GRIK2: variants seen among roughly 807,000 people sequenced by gnomAD.
GRIK2 encodes the protein glutamate ionotropic receptor kainate type subunit 2, also known as glutamate receptor ionotropic, kainate 2.
Under a neutral mutation model 100.3 loss-of-function variants are expected in GRIK2, and 32 were observed. That is an observed-to-expected ratio of 0.32 (90% CI 0.24 to 0.43). The LOEUF (loss-of-function observed/expected upper bound fraction) is 0.43. Ranked by LOEUF, GRIK2 falls within the 20% of genes least tolerant of loss-of-function variation. The pLI is 1.00. For synonymous variants in GRIK2, 417 were observed against 389.4 expected (o/e 1.07, Z -0.83); for missense variants, 843 against 1,114.9 (o/e 0.76, Z 3.47).
chr6:102,030,018 T>G (rs1404316377), intron 14 of GRIK2, among the ~76,000 whole-genome samples: 2 of 151,268 alleles, frequency 1.3e-5, no homozygotes, highest in East Asian at 3.9e-4. Flanking sequence ...TAAGATCTAT[T>G]CTCTTAGCAA....
intron 7 of GRIK2, among the ~76,000 whole-genome samples, chr6:101,779,857 G>A (rs1216482225): frequency 1.3e-5 from 2 of 151,418 alleles, no homozygotes; most frequent in Admixed American, 6.6e-5. Flanking sequence ...AATTATGCTT[G>A]GAGAGATAAA....
chr6:101,777,084 A>G (rs545301533), intron 7 of GRIK2, among the ~76,000 whole-genome samples: 1 of 152,330 alleles, frequency 6.6e-6, no homozygotes, highest in South Asian at 2.1e-4. Context: ...TGTGTAGTCC[A>G]CGCAGCTGCT....
chr6:101,437,104 G>A (rs1211428790), intron 2 of GRIK2, among the ~76,000 whole-genome samples: 3 of 151,710 alleles, frequency 2.0e-5, no homozygotes, highest in African/African-American at 7.3e-5. Flanking sequence ...ACAGCCAATG[G>A]TTGGCAAAGA....
chr6:101,824,922 A>G lies in GRIK2; in HGVS notation c.1317+6439A>G, dbSNP rs1217365063. Among the ~76,000 whole-genome samples the G allele has an allele frequency of 3.9e-5, 6 of 152,222 alleles. No homozygotes were observed. The East Asian group carries it at 9.7e-4, about 25-fold the overall frequency. ...ACAGTACAAAAGAGAGAAGTGACCG[A>G]ATTATCCCCTAAGTGGTTCTGTAGC... is the stretch of plus-strand genomic sequence containing the variant. On this transcript the variant is annotated intron_variant, in intron 10 of 16. Coordinates refer to ENST00000369134, the MANE Select transcript of GRIK2 (RefSeq NM_021956.5).
chr6:101,765,875 A>G (rs1325906311), intron 7 of GRIK2, among the ~76,000 whole-genome samples: 13 of 152,172 alleles, frequency 8.5e-5, no homozygotes, highest in Non-Finnish European at 4.4e-5. Context: ...ATTTTCTTAT[A>G]CATCTACTTA....
intron 2 of GRIK2, among the ~76,000 whole-genome samples, chr6:101,601,310 T>C (rs941661376): frequency 6.6e-6 from 1 of 151,878 alleles, no homozygotes. Context: ...AATTAACTTT[T>C]TGATGTACTA....
At chr6:101,423,228 G>T (rs192507663) in intron 2 of GRIK2, among the ~76,000 whole-genome samples, 3 of 152,280 alleles carry the variant, frequency 2.0e-5, no homozygotes, top group African/African-American at 7.2e-5. Flanking sequence ...ACTCTAATGA[G>T]CTCACAGCTG....
In GRIK2 at chr6:101,513,208, G is replaced by A. The variant is rs552835498; in HGVS notation, c.116-108741G>A. The stretch of plus-strand genomic sequence containing the variant: ...ATACATTGGTTTGGTCCAGAAAGGC[G>A]GAACAACTCAAAGGGGTGTGAGAGG... On this transcript the variant is annotated intron_variant, in intron 2 of 16. Transcript: ENST00000369134. 7.2e-5 allele frequency among the ~76,000 whole-genome samples: 11 copies of A among 152,032 alleles called. No individual in the cohort carries two copies. In the South Asian group the frequency reaches 1.9e-3, roughly 26 times the overall value.
chr6:101,931,758 G>C lies in GRIK2; in HGVS notation c.2085+3126G>C, dbSNP rs1362726188. Among the ~76,000 whole-genome samples the C allele has an allele frequency of 3.9e-5, 6 of 152,022 alleles. No individual in the cohort carries two copies. The East Asian group carries it at 1.2e-3, about 29-fold the overall frequency. Reference sequence around the variant, plus strand: ...AAATAATTCAAAATAGGAGATAGTGGTTCTCACATTATTTTCATGTAAGCA... The same window carrying C: ...AAATAATTCAAAATAGGAGATAGTGCTTCTCACATTATTTTCATGTAAGCA... On this transcript the variant is annotated intron_variant, in intron 14 of 16. Transcript: ENST00000369134.
chr6:101,827,781 A>T (rs1162287429), intron 10 of GRIK2, among the ~76,000 whole-genome samples: 2 of 152,002 alleles, frequency 1.3e-5, no homozygotes, highest in East Asian at 3.9e-4. Context: ...CCACGTTCAT[A>T]AAACCTTACT....
chr6:101,443,089 A>G (rs946889678), intron 2 of GRIK2, among the ~76,000 whole-genome samples: 1 of 152,150 alleles, frequency 6.6e-6, no homozygotes, highest in East Asian at 1.9e-4. Flanking sequence ...TCACAGAATG[A>G]TCACCTTGAG....
At chr6:101,956,528 C>T (rs545767616) in intron 14 of GRIK2, among the ~76,000 whole-genome samples, 2 of 151,990 alleles carry the variant, frequency 1.3e-5, no homozygotes, top group Non-Finnish European at 2.9e-5. Context: ...ATCCTCACTC[C>T]CTTCCCAACC....
Position 102,034,447 on chromosome 6 carries a change from GT to G in GRIK2, c.2086-891del, listed in dbSNP as rs1007010545. 2.0e-4 allele frequency among the ~76,000 whole-genome samples: 30 copies of G among 151,256 alleles called. 1 individual carries two copies. Among genetic ancestry groups the G allele is most frequent in the African/African-American group, 7.3e-4 (30 of 41,266 alleles). On this transcript the variant is annotated intron_variant, in intron 14 of 16. Transcript: ENST00000369134. Reference sequence around the variant, plus strand: ...GCAGTATGATGAATATCCTTCCTGTGTTTGTAACTTCAGGATTATTTTTGGT... The same window carrying G: ...GCAGTATGATGAATATCCTTCCTGTGTTGTAACTTCAGGATTATTTTTGGT...
In GRIK2 at chr6:101,586,718, T is replaced by TAA. The variant is rs68016883; in HGVS notation, c.116-35222_116-35221dup. Among the ~76,000 whole-genome samples the TAA allele has an allele frequency of 6.4e-3, 930 of 145,902 alleles. 16 individuals are homozygous for TAA. Among genetic ancestry groups the TAA allele is most frequent in the African/African-American group, 0.022 (877 of 39,842 alleles). On this transcript the variant is annotated intron_variant, in intron 2 of 16. Coordinates refer to ENST00000369134, the MANE Select transcript of GRIK2 (RefSeq NM_021956.5). ...ACCCCATCTCTACTAAAAATAAAAT[T>TAA]AAAAAAAAAACAAATTAAAAAATTA...
At chr6:101,717,879 G>A (rs546861962) in intron 7 of GRIK2, among the ~76,000 whole-genome samples, 1 of 151,776 alleles carries the variant, frequency 6.6e-6, no homozygotes. Flanking sequence ...CTTGGGGAAA[G>A]CCTTTAGTCT....
At chr6:101,557,704 A>G (rs1488391599) in intron 2 of GRIK2, among the ~76,000 whole-genome samples, 1 of 152,138 alleles carries the variant, frequency 6.6e-6, no homozygotes, top group Admixed American at 6.5e-5. Flanking sequence ...TTTCCCATCT[A>G]TGACAGAAAA....
chr6:101,505,776 G>GAAAA (rs35632931), intron 2 of GRIK2, among the ~76,000 whole-genome samples: 2 of 113,314 alleles, frequency 1.8e-5, no homozygotes, highest in Middle Eastern at 4.5e-3. Flanking sequence ...GAAGAAATTA[G>GAAAA]AAAAAAAAAA....
intron 4 of GRIK2, among the ~76,000 whole-genome samples, chr6:101,647,935 T>A (rs904265603): frequency 6.6e-6 from 1 of 151,950 alleles, no homozygotes; most frequent in African/African-American, 2.4e-5. Flanking sequence ...TTAGTTGAAG[T>A]CATGGGGGGC....
intron 4 of GRIK2, among the ~76,000 whole-genome samples, chr6:101,654,836 G>T (rs1781982868): frequency 6.6e-6 from 1 of 152,080 alleles, no homozygotes; most frequent in African/African-American, 2.4e-5. Flanking sequence ...CCTCTGCTCT[G>T]AAATCTTTCC....
Sources: allele counts gnomAD v4.1 joint callset (sites outside exome capture counted in the v4.1 genomes callset), GRCh38; gene constraint gnomAD v4.1.1; transcripts MANE v1.5; gene names NCBI Gene and HGNC (gene_info 2026-07-23, HGNC 2026-07-21).